The following CEP85L variants were observed in gnomAD, a reference collection of about 807,000 sequenced individuals.
The protein encoded by CEP85L is centrosomal protein 85L, also known as centrosomal protein of 85 kDa-like.
A neutral mutation model predicts 100.3 loss-of-function variants in CEP85L; 60 were observed. The observed-to-expected ratio is 0.60, with a 90% CI of 0.49 to 0.74. CEP85L has a LOEUF of 0.74. Among genes scored for constraint, CEP85L ranks in the 30% least tolerant of loss-of-function variants. The pLI is 0.00. For synonymous variants in CEP85L, 319 were observed against 322.7 expected (o/e 0.99, Z 0.12); for missense variants, 973 against 936.2 (o/e 1.04, Z -0.51).
intron 1 of CEP85L, among the ~76,000 whole-genome samples, chr6:118,699,842 G>A (rs62424001): frequency 0.19 from 29,318 of 152,024 alleles, 3,738 homozygotes; most frequent in Non-Finnish European, 0.28. Flanking sequence ...CTACAGGCAC[G>A]CACCACCACG....
intron 5 of CEP85L, among the ~76,000 whole-genome samples, chr6:118,494,389 G>A (rs921875209): frequency 6.6e-5 from 10 of 152,112 alleles, no homozygotes; most frequent in East Asian, 1.9e-4. Flanking sequence ...AATGCCTGCC[G>A]TCAGGAGAAA....
At chr6:118,621,593 C>T (rs1773447699) in intron 2 of CEP85L, among the ~76,000 whole-genome samples, 1 of 152,170 alleles carries the variant, frequency 6.6e-6, no homozygotes, top group African/African-American at 2.4e-5. Context: ...AGTTTGGAAG[C>T]CTCACATCAA....
At chr6:118,482,995 G>A (rs2114540807) in intron 7 of CEP85L, among the ~76,000 whole-genome samples, 1 of 152,250 alleles carries the variant, frequency 6.6e-6, no homozygotes, top group South Asian at 2.1e-4. Context: ...ACTGCTATTG[G>A]CACTTAGTGA....
intron 2 of CEP85L, among the ~76,000 whole-genome samples, chr6:118,610,919 C>T (rs978754660): frequency 2.8e-4 from 42 of 152,130 alleles, no homozygotes; most frequent in African/African-American, 9.6e-4. Context: ...AATGTGTATC[C>T]AGTAAAATTG....
rs543842762 is a variant in CEP85L at position 118,619,462 on chromosome 6, C to T, written c.232+12991G>A. On this transcript the variant is annotated intron_variant, in intron 2 of 12. Coordinates refer to ENST00000368491, the MANE Select transcript of CEP85L (RefSeq NM_001042475.3). ...TCTATGCCAAGCCTGCAAGATTTGC[C>T]CAAATGACAAAAACCCACAATTGCC... Among the ~76,000 whole-genome samples the T allele has an allele frequency of 3.3e-5, 5 of 152,284 alleles. No individual in the cohort carries two copies. The South Asian group carries it at 8.3e-4, about 25-fold the overall frequency.
At chr6:118,552,508 G>C (rs1447793940) in intron 3 of CEP85L, among the ~76,000 whole-genome samples, 1 of 151,964 alleles carries the variant, frequency 6.6e-6, no homozygotes, top group African/African-American at 2.4e-5. Flanking sequence ...GACAAAGTAA[G>C]GACTCCTGAA....
rs538982086 is a variant in CEP85L, at chr6:118,501,797, G to A, written c.1257+9501C>T. On this transcript the variant is annotated intron_variant, in intron 5 of 12. Coordinates refer to ENST00000368491, the MANE Select transcript of CEP85L (RefSeq NM_001042475.3). ...GACATCTCACAGAGTGGGGAGGATG[G>A]AGGCTGCTGGCTGAGAGAGAGAGAG... The A allele has an allele frequency of 2.8e-3, 3,135 of 1,136,492 alleles. 10 individuals are homozygous for A. Among genetic ancestry groups the A allele is most frequent in the Non-Finnish European group, 3.6e-3 (2,759 of 763,716 alleles). The allele number at this position is 1,136,492 out of a possible 1,614,324, so 70.4% of individuals were successfully genotyped here.
chr6:118,510,740 G>T (rs1384485210), intron 5 of CEP85L, among the ~76,000 whole-genome samples: 1 of 152,032 alleles, frequency 6.6e-6, no homozygotes, highest in African/African-American at 2.4e-5. Flanking sequence ...CTGCATATGA[G>T]CAAAACAGTA....
At chr6:118,557,741 A>C (rs567551592) in intron 3 of CEP85L, among the ~76,000 whole-genome samples, 1 of 152,338 alleles carries the variant, frequency 6.6e-6, no homozygotes, top group Admixed American at 6.5e-5. Context: ...TTATCGAATA[A>C]AAATTGGTAA....
At chr6:118,541,875 C>T (rs1777916771) in intron 3 of CEP85L, among the ~76,000 whole-genome samples, 1 of 152,172 alleles carries the variant, frequency 6.6e-6, no homozygotes, top group Non-Finnish European at 1.5e-5. Flanking sequence ...ATAATTTTAG[C>T]TCATTTTCTC....
chr6:118,580,635 G>A (rs867179364), intron 2 of CEP85L, among the ~76,000 whole-genome samples: 3 of 152,138 alleles, frequency 2.0e-5, no homozygotes, highest in Admixed American at 6.5e-5. Context: ...TCGCCGTTGC[G>A]CAAGGCTGGG....
intron 2 of CEP85L, among the ~76,000 whole-genome samples, chr6:118,596,992 C>T (rs553208477): frequency 6.6e-5 from 10 of 152,132 alleles, no homozygotes; most frequent in Non-Finnish European, 1.2e-4. Flanking sequence ...GGGCGGCTGC[C>T]CCATGCTGTT....
intron 5 of CEP85L, chr6:118,502,237 T>G (rs1417820406): frequency 4.6e-5 from 29 of 626,714 alleles, no homozygotes; most frequent in Non-Finnish European, 5.8e-5. Flanking sequence ...TGTACCGCAT[T>G]ATGACTCCAC....
chr6:118,526,116 T>C (rs1317067058), intron 3 of CEP85L, among the ~76,000 whole-genome samples: 2 of 152,150 alleles, frequency 1.3e-5, no homozygotes. Flanking sequence ...AAGTGACACA[T>C]AGTGTTACAG....
At chr6:118,532,147 T>C (rs1322719658) in intron 3 of CEP85L, among the ~76,000 whole-genome samples, 1 of 152,096 alleles carries the variant, frequency 6.6e-6, no homozygotes, top group Non-Finnish European at 1.5e-5. Flanking sequence ...GTACTATGTA[T>C]ATACATAGTG....
chr6:118,495,140 T>TA (rs1009178404), intron 5 of CEP85L, among the ~76,000 whole-genome samples: 11 of 151,846 alleles, frequency 7.2e-5, no homozygotes, highest in Non-Finnish European at 1.6e-4. Context: ...AAAAAAACCT[T>TA]AAAAAAACAA....
rs549215597 is a variant in CEP85L at position 118,476,349 on chromosome 6, A to G, written c.1914+3522T>C. The stretch of plus-strand genomic sequence containing the variant: ...GCTGGTACATTTTTCAAAATTTAGT[A>G]TTAACTTCTGATAAGAATACTTTTA... On this transcript the variant is annotated intron_variant, in intron 10 of 12. Coordinates refer to ENST00000368491, the MANE Select transcript of CEP85L (RefSeq NM_001042475.3). 8.6e-5 allele frequency among the ~76,000 whole-genome samples: 13 copies of G among 152,044 alleles called. No individual in the cohort carries two copies. The East Asian group carries it at 2.1e-3, about 25-fold the overall frequency.
At chr6:118,483,297 G>GAA (rs1011553042) in intron 7 of CEP85L, among the ~76,000 whole-genome samples, 18 of 128,864 alleles carry the variant, frequency 1.4e-4, no homozygotes, top group South Asian at 5.0e-4. Flanking sequence ...CAAGGTATAA[G>GAA]AAAAATATAT....
chr6:118,571,093 G>A (rs1257745087), intron 2 of CEP85L, among the ~76,000 whole-genome samples: 1 of 151,684 alleles, frequency 6.6e-6, no homozygotes, highest in East Asian at 1.9e-4. Flanking sequence ...GTGGGAAAAG[G>A]GTCATTATTA....
Sources: allele counts gnomAD v4.1 joint callset (sites outside exome capture counted in the v4.1 genomes callset), GRCh38; gene constraint gnomAD v4.1.1; transcripts MANE v1.5; gene names NCBI Gene and HGNC (gene_info 2026-07-23, HGNC 2026-07-21).